The following COX10 variants were observed in gnomAD, a reference collection of about 807,000 sequenced individuals.
COX10 encodes the protein cytochrome c oxidase assembly factor heme A:farnesyltransferase COX10, also known as protoheme IX farnesyltransferase, mitochondrial.
COX10 carries 27 observed loss-of-function variants against 37.3 expected under a neutral mutation model. The ratio of observed to expected loss-of-function variants is 0.72; its 90% confidence interval spans 0.53 to 1.00. COX10 has a LOEUF of 1.00. Among genes scored for constraint, COX10 ranks in the 50% least tolerant of loss-of-function variants. COX10 has a pLI of 0.00. For synonymous variants in COX10, 222 were observed against 229.1 expected (o/e 0.97, Z 0.28); for missense variants, 475 against 563.2 (o/e 0.84, Z 1.59).
chr17:14,143,809 C>T (rs772822220), intron 4 of COX10, among the ~76,000 whole-genome samples: 9 of 152,078 alleles, frequency 5.9e-5, no homozygotes, highest in Non-Finnish European at 8.8e-5. Context: ...CCCTATTGCC[C>T]CTGGTTTCCC....
intron 3 of COX10, among the ~76,000 whole-genome samples, chr17:14,079,842 TTATA>T (rs527465729): frequency 7.6e-5 from 7 of 91,678 alleles, no homozygotes; most frequent in South Asian, 4.1e-4. Flanking sequence ...TAGGATCATT[TTATA>T]TATATATATA....
chr17:14,171,130 A>G (rs1905453070), intron 5 of COX10, among the ~76,000 whole-genome samples: 1 of 152,154 alleles, frequency 6.6e-6, no homozygotes, highest in Non-Finnish European at 1.5e-5. Flanking sequence ...TAGGCAAAAA[A>G]TACTCAGTGG....
In COX10 at chr17:14,081,674, T is replaced by C. The variant is rs1045459844; in HGVS notation, c.499+4618T>C. ...ATCTGTAAACTAGGGATAATAATAG[T>C]ACTTCCTTCATAGGGTTGTTCTGAG... On this transcript the variant is annotated intron_variant, in intron 3 of 6. Coordinates refer to ENST00000261643, the MANE Select transcript of COX10 (RefSeq NM_001303.4). Among the ~76,000 whole-genome samples the C allele has an allele frequency of 3.3e-5, 5 of 152,214 alleles. No homozygotes were observed. The South Asian group carries it at 1.0e-3, about 32-fold the overall frequency.
Position 14,208,138 on chromosome 17 carries a change from C to A in COX10, c.*925C>A, listed in dbSNP as rs1906765663. The A allele has an allele frequency of 6.6e-6, 1 of 152,240 alleles. No homozygotes were observed. Among genetic ancestry groups the A allele is most frequent in the African/African-American group, 2.4e-5 (1 of 41,454 alleles). 9.4% of individuals were successfully genotyped at this position (152,240 alleles called of 1,614,324 possible). A position where few individuals can be genotyped will look rare whatever the true frequency, so the allele number is the denominator to read the frequency against. ...CTAACCAGCCCACAGAGCTCACATT[C>A]CTGTCCCTTGGGTGAAAAATACATG... On this transcript the variant is annotated 3_prime_UTR_variant, in exon 7 of 7. Coordinates refer to ENST00000261643, the MANE Select transcript of COX10 (RefSeq NM_001303.4).
chr17:14,125,591 A>G (rs1244928965), intron 4 of COX10, among the ~76,000 whole-genome samples: 1 of 152,226 alleles, frequency 6.6e-6, no homozygotes, highest in Non-Finnish European at 1.5e-5. Flanking sequence ...GAACTAAACC[A>G]GGACTCCTAC....
intron 4 of COX10, among the ~76,000 whole-genome samples, chr17:14,155,332 A>G (rs117541483): frequency 0.54 from 71,158 of 131,004 alleles, 17,324 homozygotes; most frequent in East Asian, 0.65. Context: ...ATCTACATAA[A>G]AAAAAAAAAA....
rs548245817 is a variant in COX10 at position 14,126,489 on chromosome 17, C to A, written c.624+24247C>A. ...AACAACTGAAAACTAAAACTCTTTT[C>A]TCTTTGCAGTGTTCTGACTTTATAT... is the stretch of plus-strand genomic sequence containing the variant. On this transcript the variant is annotated intron_variant, in intron 4 of 6. Transcript: ENST00000261643. 1.1e-4 allele frequency among the ~76,000 whole-genome samples: 16 copies of A among 152,314 alleles called. No individual in the cohort carries two copies. In the East Asian group the frequency reaches 2.7e-3, roughly 26 times the overall value.
chr17:14,075,922 G>T (rs1287750173), intron 2 of COX10, among the ~76,000 whole-genome samples: 2 of 150,110 alleles, frequency 1.3e-5, no homozygotes, highest in Non-Finnish European at 3.0e-5. Context: ...AACCTGGGAG[G>T]CAGAGCTTGC....
chr17:14,091,848 A>G (rs8081179), intron 3 of COX10, among the ~76,000 whole-genome samples: 9,673 of 152,244 alleles, frequency 0.064, 406 homozygotes, highest in East Asian at 0.11. Context: ...TAATTTTGAT[A>G]TGAAACTGAG....
chr17:14,160,669 T>G (rs1905155238), intron 5 of COX10, among the ~76,000 whole-genome samples: 1 of 152,128 alleles, frequency 6.6e-6, no homozygotes, highest in South Asian at 2.1e-4. Flanking sequence ...CATATTTAAG[T>G]AAAATAATAA....
intron 1 of COX10, among the ~76,000 whole-genome samples, chr17:14,070,276 A>C (rs1914987254): frequency 6.6e-6 from 1 of 152,158 alleles, no homozygotes; most frequent in Non-Finnish European, 1.5e-5. Flanking sequence ...CTTTATAGAG[A>C]CCACCCTATA....
At chr17:14,098,611 G>A (rs1915703392) in intron 3 of COX10, among the ~76,000 whole-genome samples, 1 of 152,114 alleles carries the variant, frequency 6.6e-6, no homozygotes. Flanking sequence ...TTTAAAAATA[G>A]TGCCTTTCTT....
chr17:14,177,028 C>T (rs1214773090), intron 5 of COX10: 2 of 380,464 alleles, frequency 5.3e-6, no homozygotes, highest in Non-Finnish European at 9.3e-6. Flanking sequence ...AGAAAAAAAT[C>T]AATGCAATGA....
chr17:14,179,345 A>T (rs1325921099), intron 5 of COX10: 2 of 310,856 alleles, frequency 6.4e-6, no homozygotes, highest in East Asian at 3.4e-4. Flanking sequence ...AATATTTCTT[A>T]AAGATGTCAA....
chr17:14,206,354 C>T (rs1295984631), intron 6 of COX10, among the ~76,000 whole-genome samples: 2 of 152,140 alleles, frequency 1.3e-5, no homozygotes, highest in Non-Finnish European at 2.9e-5. Context: ...TGGAGCTCAG[C>T]GCTCCAGCAC....
intron 4 of COX10, among the ~76,000 whole-genome samples, chr17:14,141,853 G>A (rs1265447424): frequency 1.3e-5 from 2 of 152,166 alleles, no homozygotes; most frequent in African/African-American, 4.8e-5. Flanking sequence ...CCTCGCATAA[G>A]AGTAGCAGTA....
chr17:14,154,773 A>G (rs1393426274), intron 4 of COX10, among the ~76,000 whole-genome samples: 1 of 152,158 alleles, frequency 6.6e-6, no homozygotes, highest in Non-Finnish European at 1.5e-5. Flanking sequence ...AATTATTCCC[A>G]TTTGCCGCTG....
chr17:14,103,175 CAA>C (rs1915824834), intron 4 of COX10, among the ~76,000 whole-genome samples: 1 of 151,928 alleles, frequency 6.6e-6, no homozygotes, highest in Admixed American at 6.6e-5. Flanking sequence ...ACCACTTTAC[CAA>C]AAAGATCATC....
chr17:14,122,059 A>G (rs923482253), intron 4 of COX10, among the ~76,000 whole-genome samples: 4 of 152,134 alleles, frequency 2.6e-5, no homozygotes, highest in African/African-American at 9.7e-5. Flanking sequence ...TGGATTCTGT[A>G]GGCAGTAGGG....
Sources: gnomAD v4.1 joint callset for allele counts (sites outside exome capture counted in the v4.1 genomes callset) on GRCh38, gnomAD v4.1.1 for gene constraint, MANE v1.5 for transcripts, NCBI Gene and HGNC (gene_info 2026-07-23, HGNC 2026-07-21) for gene names.